The following CDH12 variants were observed in gnomAD, a reference collection of about 807,000 sequenced individuals.
The protein encoded by CDH12 is cadherin-12.
In CDH12, 41 loss-of-function variants were observed where a neutral mutation model predicts 74.1. That is an observed-to-expected ratio of 0.55 (90% CI 0.43 to 0.72). CDH12 has a LOEUF of 0.72. Ranked by LOEUF, CDH12 falls within the 30% of genes least tolerant of loss-of-function variation. CDH12 has a pLI of 0.00. For synonymous variants in CDH12, 399 were observed against 355.0 expected (o/e 1.12, Z -1.39); for missense variants, 945 against 977.2 (o/e 0.97, Z 0.44).
chr5:21,841,989 C>A (rs1749885286), intron 8 of CDH12, among the ~76,000 whole-genome samples, 172 bp downstream of exon 8: 1 of 150,060 alleles, frequency 6.7e-6, no homozygotes, highest in Non-Finnish European at 1.5e-5. Context: ...GCACATGTAC[C>A]CTAAAACTTA....
At chr5:21,860,325 T>A (rs1347195647) in intron 6 of CDH12, among the ~76,000 whole-genome samples, 2 of 152,042 alleles carry the variant, frequency 1.3e-5, no homozygotes, top group East Asian at 3.9e-4. Flanking sequence ...TGCTTCGGGT[T>A]GTATGAGGGA....
chr5:22,588,992 A>G (rs1740547726), intron 1 of CDH12, among the ~76,000 whole-genome samples: 1 of 152,068 alleles, frequency 6.6e-6, no homozygotes, highest in South Asian at 2.1e-4. Flanking sequence ...CCTGTGTTAG[A>G]TTTGATTATA....
chr5:21,771,641 G>A (rs993878081), intron 11 of CDH12, among the ~76,000 whole-genome samples: 1 of 152,012 alleles, frequency 6.6e-6, no homozygotes, highest in South Asian at 2.1e-4. Context: ...AAGCCTCTAG[G>A]TAGAAGGCTT....
intron 3 of CDH12, among the ~76,000 whole-genome samples, chr5:22,254,737 T>C (rs1377028511): frequency 6.6e-6 from 1 of 151,852 alleles, no homozygotes; most frequent in Admixed American, 6.6e-5. Flanking sequence ...TTTTTTAATT[T>C]TAATTTTTTA....
At chr5:21,827,860 A>G (rs373369373) in intron 8 of CDH12, among the ~76,000 whole-genome samples, 3 of 152,188 alleles carry the variant, frequency 2.0e-5, no homozygotes, top group South Asian at 4.1e-4. Context: ...CAACATTTCA[A>G]GTGCATCAAT....
chr5:21,968,730 C>T (rs549012729), intron 6 of CDH12, among the ~76,000 whole-genome samples: 1 of 152,104 alleles, frequency 6.6e-6, no homozygotes, highest in South Asian at 2.1e-4. Flanking sequence ...AGTAACTGGC[C>T]TCTTTAGTAT....
chr5:21,926,086 G>A (rs1212137280), intron 6 of CDH12, among the ~76,000 whole-genome samples: 2 of 151,928 alleles, frequency 1.3e-5, no homozygotes, highest in African/African-American at 4.8e-5. Flanking sequence ...AGATTGATCT[G>A]TAACCTTTTT....
chr5:21,826,292 C>A (rs543340785), intron 8 of CDH12, among the ~76,000 whole-genome samples: 1 of 152,264 alleles, frequency 6.6e-6, no homozygotes, highest in African/African-American at 2.4e-5. Context: ...AGATCATAGA[C>A]TTGCCATGCC....
intron 3 of CDH12, among the ~76,000 whole-genome samples, chr5:22,253,961 T>C (rs1176053625): frequency 6.6e-6 from 1 of 151,946 alleles, no homozygotes; most frequent in Non-Finnish European, 1.5e-5. Context: ...TCAGTGTCTT[T>C]CACAAATATC....
intron 1 of CDH12, among the ~76,000 whole-genome samples, chr5:22,788,402 G>A (rs1160359774): frequency 6.6e-6 from 1 of 151,646 alleles, no homozygotes; most frequent in East Asian, 1.9e-4. Flanking sequence ...GTAAGGGTAA[G>A]GGGTAAGGAG....
chr5:21,986,481 G>C (rs989325251), intron 5 of CDH12, among the ~76,000 whole-genome samples: 5 of 152,238 alleles, frequency 3.3e-5, no homozygotes, highest in African/African-American at 1.2e-4. Context: ...GAGGTCACTG[G>C]CTTGGACCCA....
intron 3 of CDH12, among the ~76,000 whole-genome samples, chr5:22,381,032 T>G (rs1741738557): frequency 6.6e-6 from 1 of 152,056 alleles, no homozygotes; most frequent in Non-Finnish European, 1.5e-5. Flanking sequence ...TTTCTCTCTG[T>G]GATAATAAAG....
At chr5:22,392,034 T>A (rs905075767) in intron 3 of CDH12, among the ~76,000 whole-genome samples, 11 of 152,182 alleles carry the variant, frequency 7.2e-5, no homozygotes, top group African/African-American at 2.7e-4. Flanking sequence ...AGAAAACTTG[T>A]TCTTTACTTC....
intron 3 of CDH12, among the ~76,000 whole-genome samples, chr5:22,275,973 G>A (rs989599785): frequency 8.6e-5 from 13 of 151,986 alleles, no homozygotes; most frequent in Admixed American, 7.9e-4. Flanking sequence ...AACTATTAAA[G>A]GGTTTTTTTT....
rs147196785 is a variant in CDH12 at position 22,359,828 on chromosome 5, G to C, written c.-333+45429C>G. Among the ~76,000 whole-genome samples the C allele has an allele frequency of 7.1e-3, 1,081 of 152,106 alleles. 9 individuals carry two copies. The highest frequency in any genetic ancestry group is 9.7e-3 in the Non-Finnish European group (657 of 67,956). ...AACTGAACAACCTGCTCCTGAATGA[G>C]TACTGGGTACGTAACGAAATGAAGG... On this transcript the variant is annotated intron_variant, in intron 3 of 14. Transcript: ENST00000382254.
chr5:21,907,198 G>T (rs138731078), intron 6 of CDH12, among the ~76,000 whole-genome samples: 4 of 152,274 alleles, frequency 2.6e-5, no homozygotes, highest in Non-Finnish European at 4.4e-5. Flanking sequence ...TTAGAACATC[G>T]TAACGGGAAA....
chr5:22,244,490 G>T (rs1752848305), intron 3 of CDH12, among the ~76,000 whole-genome samples: 1 of 77,840 alleles, frequency 1.3e-5, no homozygotes, highest in African/African-American at 5.7e-5. Context: ...ACAAGACTCT[G>T]CCTCAAAAAA....
intron 4 of CDH12, among the ~76,000 whole-genome samples, chr5:22,079,790 G>A (rs955211133): frequency 6.6e-6 from 1 of 151,880 alleles, no homozygotes; most frequent in African/African-American, 2.4e-5. Context: ...ATAACACACT[G>A]TCTTTAATTA....
At chr5:21,878,284 G>T (rs899155863) in intron 6 of CDH12, among the ~76,000 whole-genome samples, 1 of 152,158 alleles carries the variant, frequency 6.6e-6, no homozygotes, top group Non-Finnish European at 1.5e-5. Flanking sequence ...TACTTGTTTT[G>T]CAAGATTCAT....
Sources: gnomAD v4.1 joint callset for allele counts (sites outside exome capture counted in the v4.1 genomes callset) on GRCh38, gnomAD v4.1.1 for gene constraint, MANE v1.5 for transcripts, NCBI Gene and HGNC (gene_info 2026-07-23, HGNC 2026-07-21) for gene names.